Variants in LHFPL3 observed in about 807,000 individuals in gnomAD.
LHFPL3 encodes LHFPL tetraspan subfamily member 3 protein.
In LHFPL3, 5 loss-of-function variants were observed where a neutral mutation model predicts 19.3. The ratio of observed to expected loss-of-function variants is 0.26; its 90% CI spans 0.14 to 0.54. The LOEUF is 0.54. Among genes scored for constraint, LHFPL3 ranks in the 20% least tolerant of loss-of-function variants. The pLI is 0.94. For synonymous variants in LHFPL3, 133 were observed against 126.2 expected (o/e 1.05, Z -0.36); for missense variants, 249 against 307.4 (o/e 0.81, Z 1.42).
chr7:104,721,289 C>T lies in LHFPL3; in HGVS notation c.446-15386C>T, dbSNP rs1050463377. 6.6e-5 allele frequency among the ~76,000 whole-genome samples: 10 copies of T among 152,080 alleles called. No homozygotes were observed. The South Asian group carries it at 1.2e-3, about 19-fold the overall frequency. ...CATTCTCAGCAAACTATCACAAGGA[C>T]AGAAAACCAAACACCGCATGCTCTC... On this transcript the variant is annotated intron_variant, in intron 1 of 2. Coordinates refer to ENST00000424859, the MANE Select transcript of LHFPL3 (RefSeq NM_199000.3).
intron 2 of LHFPL3, among the ~76,000 whole-genome samples, chr7:104,829,864 T>C (rs1323090284): frequency 2.0e-5 from 3 of 151,944 alleles, no homozygotes; most frequent in African/African-American, 7.3e-5. Context: ...GATGGCTGGG[T>C]CAAATGGTAT....
At chr7:104,657,571 C>T (rs1792143136) in intron 1 of LHFPL3, among the ~76,000 whole-genome samples, 2 of 152,198 alleles carry the variant, frequency 1.3e-5, no homozygotes, top group South Asian at 4.1e-4. Context: ...AATGTTACCA[C>T]TTTATTAGAG....
intron 2 of LHFPL3, among the ~76,000 whole-genome samples, chr7:104,842,010 A>T (rs1005913601): frequency 3.3e-5 from 5 of 151,458 alleles, no homozygotes; most frequent in African/African-American, 1.2e-4. Flanking sequence ...TCTTGAACTC[A>T]TCCTCCCCCT....
chr7:104,518,224 TTAC>T (rs1793960215), intron 1 of LHFPL3, among the ~76,000 whole-genome samples: 1 of 152,204 alleles, frequency 6.6e-6, no homozygotes. Flanking sequence ...TAAGTTTATA[TTAC>T]TACTAATAAT....
intron 2 of LHFPL3, among the ~76,000 whole-genome samples, chr7:104,749,710 C>A (rs376628298): frequency 6.6e-6 from 1 of 151,306 alleles, no homozygotes; most frequent in East Asian, 2.0e-4. Flanking sequence ...AATTCCAAGG[C>A]GAGAATGAAG....
chr7:104,329,312 C>T, intron 1 of LHFPL3, 88 bp downstream of exon 1: 4 of 1,457,020 alleles, frequency 2.7e-6, no homozygotes, highest in East Asian at 2.3e-5. Context: ...GGGGGCTGTG[C>T]GCGCCGCTGC....
Position 104,808,396 on chromosome 7 carries a change from C to T in LHFPL3, c.682+71485C>T, listed in dbSNP as rs1790406572. Among the ~76,000 whole-genome samples the T allele has an allele frequency of 2.6e-5, 4 of 152,156 alleles. No individual in the cohort carries two copies. In the South Asian group the frequency reaches 8.3e-4, roughly 32 times the overall value. On this transcript the variant is annotated intron_variant, in intron 2 of 2. Transcript: ENST00000424859. ...AGAGACTACATTGCCTGAGGTCATT[C>T]AGCTAGAAACTGTCAGGGCTGGGAT...
chr7:104,491,917 A>G (rs1276562666), intron 1 of LHFPL3, among the ~76,000 whole-genome samples: 1 of 152,218 alleles, frequency 6.6e-6, no homozygotes, highest in African/African-American at 2.4e-5. Flanking sequence ...TCTAATTTGC[A>G]ATACTAAGTT....
intron 1 of LHFPL3, among the ~76,000 whole-genome samples, chr7:104,409,014 G>A (rs1270560276): frequency 1.0e-4 from 15 of 149,718 alleles, no homozygotes; most frequent in Non-Finnish European, 1.6e-4. Flanking sequence ...ACAGGCGCCT[G>A]CCACCACGCC....
At chr7:104,798,837 T>C (rs750036398) in intron 2 of LHFPL3, among the ~76,000 whole-genome samples, 4 of 152,194 alleles carry the variant, frequency 2.6e-5, no homozygotes, top group Non-Finnish European at 2.9e-5. Flanking sequence ...AACTACCTCA[T>C]GTTTTTGCTT....
chr7:104,780,143 T>A (rs2116420925), intron 2 of LHFPL3, among the ~76,000 whole-genome samples: 1 of 152,254 alleles, frequency 6.6e-6, no homozygotes, highest in East Asian at 1.9e-4. Flanking sequence ...CAGGCAGAGC[T>A]CCCTCATCCA....
chr7:104,445,757 G>T (rs1275819543), intron 1 of LHFPL3, among the ~76,000 whole-genome samples: 1 of 152,170 alleles, frequency 6.6e-6, no homozygotes, highest in African/African-American at 2.4e-5. Flanking sequence ...AGTTAATTTT[G>T]TGATTTTATG....
At position 104,344,870 on chromosome 7, in the gene LHFPL3, C is replaced by G. The variant is rs568892923; in HGVS notation, c.445+15646C>G. On this transcript the variant is annotated intron_variant, in intron 1 of 2. Transcript: ENST00000424859. ...GAGTAAAATTGGTCTTTTTTTGTTT[C>G]ATTTGTCACACTGGCTTTACCTAGT... is the stretch of plus-strand genomic sequence containing the variant. 4.0e-5 allele frequency among the ~76,000 whole-genome samples: 6 copies of G among 151,852 alleles called. No individual in the cohort carries two copies. The South Asian group carries it at 1.2e-3, about 32-fold the overall frequency.
intron 1 of LHFPL3, among the ~76,000 whole-genome samples, chr7:104,408,675 C>T (rs191476054): frequency 6.6e-6 from 1 of 152,166 alleles, no homozygotes; most frequent in Admixed American, 6.5e-5. Context: ...ATGTCAGAAA[C>T]AGTAAAAAGG....
In LHFPL3 at chr7:104,824,818, ATATAT is replaced by A. The variant is rs1374110042; in HGVS notation, c.683-81363_683-81359del. 3.2e-3 allele frequency among the ~76,000 whole-genome samples: 402 copies of A among 126,730 alleles called. 5 individuals carry two copies. Among genetic ancestry groups the A allele is most frequent in the African/African-American group, 0.011 (372 of 32,954 alleles). The allele number at this position is 126,730 out of a possible 152,430, so 83.1% of individuals were successfully genotyped here. ...TCTGTTTCAAAAAATATATATAATG[ATATAT>A]TATATAATTATATATTATATATTAT... On this transcript the variant is annotated intron_variant, in intron 2 of 2. Transcript: ENST00000424859.
chr7:104,382,003 T>C (rs899051477), intron 1 of LHFPL3, among the ~76,000 whole-genome samples: 1 of 152,162 alleles, frequency 6.6e-6, no homozygotes, highest in African/African-American at 2.4e-5. Context: ...TATATTTAGC[T>C]TCCCTTCCCT....
At chr7:104,841,518 G>GTGTA in intron 2 of LHFPL3, among the ~76,000 whole-genome samples, 1 of 151,886 alleles carries the variant, frequency 6.6e-6, no homozygotes, top group South Asian at 2.1e-4. Flanking sequence ...GTGTGTGTGT[G>GTGTA]TGTGTGTGTG....
At chr7:104,639,568 T>G (rs1310960834) in intron 1 of LHFPL3, among the ~76,000 whole-genome samples, 1 of 152,230 alleles carries the variant, frequency 6.6e-6, no homozygotes, top group Non-Finnish European at 1.5e-5. Flanking sequence ...TTCAACTATT[T>G]TTATGTGTAA....
chr7:104,344,200 A>G (rs1790019944), intron 1 of LHFPL3, among the ~76,000 whole-genome samples: 1 of 152,170 alleles, frequency 6.6e-6, no homozygotes, highest in South Asian at 2.1e-4. Flanking sequence ...GTGCATTTAA[A>G]AAATGAAGCC....
Sources: gnomAD v4.1 joint callset for allele counts (sites outside exome capture counted in the v4.1 genomes callset) on GRCh38, gnomAD v4.1.1 for gene constraint, MANE v1.5 for transcripts, NCBI Gene and HGNC (gene_info 2026-07-23, HGNC 2026-07-21) for gene names.